Variants in TMEM91 observed in about 807,000 individuals in gnomAD.
TMEM91 encodes transmembrane protein 91.
Under a neutral mutation model 13.3 loss-of-function variants are expected in TMEM91, and 6 were observed. The observed-to-expected ratio is 0.45, with a 90% CI of 0.25 to 0.89. The LOEUF (loss-of-function observed/expected upper bound fraction) is 0.89. Among genes scored for constraint, TMEM91 ranks in the 40% least tolerant of loss-of-function variants. The probability of loss-of-function intolerance (pLI) is 0.19; values close to 1 mark genes in which losing one functional copy is unlikely to be tolerated. For missense variants in TMEM91, 193 were observed against 228.7 expected, an observed-to-expected ratio of 0.84 and a Z score of 1.01; for synonymous variants, 87 against 101.7, an observed-to-expected ratio of 0.86 and a Z score of 0.87.
chr19:41,381,119 C>CT (rs1282120050), intron 2 of TMEM91, among the ~76,000 whole-genome samples: 1 of 145,386 alleles, frequency 6.9e-6, no homozygotes, highest in Non-Finnish European at 1.5e-5. Context: ...AATCTAAACT[C>CT]TAGAGTTTTC....
chr19:41,376,400 T>C (rs1035132536), upstream of TMEM91: 8 of 152,250 alleles, frequency 5.3e-5, no homozygotes, highest in Non-Finnish European at 1.2e-4. Flanking sequence ...GTAAGTTTAT[T>C]TGCAAAGCAC....
chr19:41,380,649 G>A (rs573307116), intron 2 of TMEM91, among the ~76,000 whole-genome samples: 5 of 151,922 alleles, frequency 3.3e-5, no homozygotes, highest in African/African-American at 4.8e-5. Context: ...GGTGGCTCAC[G>A]CCTGTAATCC....
Position 41,383,820 on chromosome 19 carries a change from G to T in TMEM91, c.466G>T (p.Ala156Ser), listed in dbSNP as rs2038952979. The T allele has an allele frequency of 6.2e-7, 1 of 1,610,400 alleles. No individual in the cohort carries two copies. The highest frequency in any genetic ancestry group is 1.3e-5 in the African/African-American group (1 of 74,756). Residue 156 changes from alanine to serine, a missense_variant, in exon 4 of 4, where the codon GCG becomes TCG. By Grantham distance (99) the Ala-to-Ser change is moderately conservative. Transcript: ENST00000392002. ...CGTCGGGCTGGGCGTGTGCACGTATGCGGCTGCCCTGGTGACCCTGGCTGC... is the reference window on the plus strand; with the variant it reads ...CGTCGGGCTGGGCGTGTGCACGTATTCGGCTGCCCTGGTGACCCTGGCTGC... The part of the protein sequence containing the change: ...LAVGLGVCTY[A>S]AALVTLAAYL...
At chr19:41,375,031 C>T (rs1002170906), upstream of TMEM91, among the ~76,000 whole-genome samples, 1 of 152,038 alleles carries the variant, frequency 6.6e-6, no homozygotes, top group African/African-American at 2.4e-5. Context: ...CTATGTGGGT[C>T]CAAATGCTGA....
At chr19:41,379,926 C>A (rs2038838899) in intron 2 of TMEM91, among the ~76,000 whole-genome samples, 1 of 141,626 alleles carries the variant, frequency 7.1e-6, no homozygotes, top group South Asian at 2.2e-4. Context: ...TGGAGTTTCA[C>A]CCTTGTTGCC....
At chr19:41,365,431 G>A (rs2038502683) in intron 1 of TMEM91, among the ~76,000 whole-genome samples, 1 of 152,060 alleles carries the variant, frequency 6.6e-6, no homozygotes, top group African/African-American at 2.4e-5. Context: ...TTGAGATGGC[G>A]TCTCCCCCTG....
intron 1 of TMEM91, among the ~76,000 whole-genome samples, chr19:41,369,339 A>G (rs924774378): frequency 1.1e-4 from 17 of 151,792 alleles, no homozygotes; most frequent in Non-Finnish European, 2.2e-4. Context: ...CGCCACGCCC[A>G]GCTAATTAGT....
At chr19:41,365,662 C>CCCAA (rs2123154346) in intron 1 of TMEM91, among the ~76,000 whole-genome samples, 1 of 150,760 alleles carries the variant, frequency 6.6e-6, no homozygotes, top group African/African-American at 2.4e-5. Context: ...GCCTCAGCCT[C>CCCAA]CCAAAGTGCT....
upstream of TMEM91, among the ~76,000 whole-genome samples, chr19:41,373,195 C>T (rs2038651748): frequency 6.6e-6 from 1 of 152,104 alleles, no homozygotes; most frequent in African/African-American, 2.4e-5. Flanking sequence ...CCACCTTGGC[C>T]TCCCAAAGTG....
At chr19:41,377,562 G>A (rs891049020) in intron 1 of TMEM91, among the ~76,000 whole-genome samples, 5 of 151,844 alleles carry the variant, frequency 3.3e-5, no homozygotes, top group African/African-American at 1.2e-4. Context: ...TGACTGGGAG[G>A]GGTGCCTGGG....
chr19:41,371,011 A>AT (rs1191304800), intron 1 of TMEM91, among the ~76,000 whole-genome samples: 6 of 140,866 alleles, frequency 4.3e-5, no homozygotes, highest in South Asian at 2.2e-4. Context: ...CCTGTTTTTT[A>AT]TTTTTTTTGA....
chr19:41,374,587 C>G (rs1005808549), upstream of TMEM91, among the ~76,000 whole-genome samples: 3 of 152,100 alleles, frequency 2.0e-5, no homozygotes, highest in Non-Finnish European at 4.4e-5. Flanking sequence ...CATATGTTAT[C>G]ACATAAGAGG....
chr19:41,378,635 C>A, intron 2 of TMEM91, 116 bp downstream of exon 2: 1 of 1,033,020 alleles, frequency 9.7e-7, no homozygotes. Flanking sequence ...TGGAGTCTCA[C>A]TTCCCAGCTG....
chr19:41,374,115 G>A (rs1020408123), upstream of TMEM91: 6 of 152,210 alleles, frequency 3.9e-5, no homozygotes, highest in South Asian at 2.1e-4. Flanking sequence ...TGCTTCTGTC[G>A]TCTGCCAGAA....
chr19:41,378,588 C>CT, intron 2 of TMEM91, 69 bp downstream of exon 2: 1 of 1,542,788 alleles, frequency 6.5e-7, no homozygotes, highest in Non-Finnish European at 8.9e-7. Flanking sequence ...AGGCCAGCAT[C>CT]TGGCAGGTTG....
rs1455595205 is a variant in TMEM91, at chr19:41,365,045, C to CT, written c.-30+964dup. On this transcript the variant is annotated intron_variant, in intron 1 of 3. Coordinates refer to the TMEM91 transcript ENST00000413014. ...CATGCACCACCACGGCTGGCTAATT[C>CT]TTTTTTTTTTTTTTAAGAGATGGAG... 4.6e-3 allele frequency among the ~76,000 whole-genome samples: 659 copies of CT among 142,684 alleles called. 1 individual carries two copies. Among genetic ancestry groups the CT allele is most frequent in the African/African-American group, 0.01 (407 of 38,968 alleles). The allele number at this position is 142,684 out of a possible 152,430, so 93.6% of individuals were successfully genotyped here.
chr19:41,380,855 A>G (rs2038862599), intron 2 of TMEM91, among the ~76,000 whole-genome samples: 1 of 148,430 alleles, frequency 6.7e-6, no homozygotes, highest in East Asian at 2.0e-4. Context: ...CGGAGGTTGC[A>G]GTGAGCCGAG....
At chr19:41,371,366 C>CTTCT (rs1247983601) in intron 1 of TMEM91, among the ~76,000 whole-genome samples, 4 of 128,048 alleles carry the variant, frequency 3.1e-5, no homozygotes, top group East Asian at 4.3e-4. Context: ...TCCTTCCTTC[C>CTTCT]TTCTTTCCTT....
chr19:41,380,693 G>C (rs1259513657), intron 2 of TMEM91, among the ~76,000 whole-genome samples: 2 of 151,872 alleles, frequency 1.3e-5, no homozygotes, highest in Non-Finnish European at 2.9e-5. Context: ...GGCGGATCAC[G>C]AGGTCAGGAG....
Sources: gnomAD v4.1 joint callset for allele counts (sites outside exome capture counted in the v4.1 genomes callset) on GRCh38, gnomAD v4.1.1 for gene constraint, MANE v1.5 for transcripts, NCBI Gene and HGNC (gene_info 2026-07-23, HGNC 2026-07-21) for gene names.